Variants in RBM26 observed in about 807,000 individuals in gnomAD.
The protein encoded by RBM26 is RNA binding motif protein 26.
In RBM26, 30 loss-of-function variants were observed where a neutral mutation model predicts 123.6. The ratio of observed to expected loss-of-function variants is 0.24; its 90% CI spans 0.18 to 0.33. The LOEUF (loss-of-function observed/expected upper bound fraction) is 0.33. Among genes scored for constraint, RBM26 ranks in the 10% least tolerant of loss-of-function variants. The probability of loss-of-function intolerance (pLI) is 1.00; values close to 1 mark genes in which losing one functional copy is unlikely to be tolerated. For missense variants in RBM26, 947 were observed against 1,203.6 expected, an observed-to-expected ratio of 0.79 and a Z score of 3.15; for synonymous variants, 400 against 404.4, an observed-to-expected ratio of 0.99 and a Z score of 0.13.
At chr13:79,321,767 A>G (rs1295510878) in intron 21 of RBM26, among the ~76,000 whole-genome samples, 1 of 151,406 alleles carries the variant, frequency 6.6e-6, no homozygotes, top group Non-Finnish European at 1.5e-5. Context: ...GATGGAAACA[A>G]TCACTCCTTC....
chr13:79,319,949 CTTTTTTTTTTT>C lies in RBM26; in HGVS notation c.*661_*671del. The C allele has an allele frequency of 3.5e-5, 4 of 115,814 alleles. 1 individual carries two copies. Among genetic ancestry groups the C allele is most frequent in the Non-Finnish European group, 3.8e-5 (4 of 104,370 alleles). 7.2% of individuals were successfully genotyped at this position (115,814 alleles called of 1,614,324 possible). On this transcript the variant is annotated 3_prime_UTR_variant, in exon 22 of 22. Coordinates refer to ENST00000438737, the MANE Select transcript of RBM26 (RefSeq NM_001366735.2). ...TTTAAATCAAGGAACATTGTCTTGGCTTTTTTTTTTTTTTTTTTTTTGTCATTGCTTTTCTC... is the reference window on the plus strand; with the variant it reads ...TTTAAATCAAGGAACATTGTCTTGGCTTTTTTTTTTGTCATTGCTTTTCTC...
intron 1 of RBM26, among the ~76,000 whole-genome samples, chr13:79,404,432 G>C (rs543244072): frequency 3.9e-5 from 6 of 152,264 alleles, no homozygotes; most frequent in Admixed American, 1.3e-4. Flanking sequence ...TGCCCTTTCA[G>C]TCTCTACAAA....
rs1186840358 is a variant in RBM26, at chr13:79,372,819, A to G, written c.328-889T>C. Among the ~76,000 whole-genome samples the G allele has an allele frequency of 7.0e-4, 63 of 90,384 alleles. 3 individuals are homozygous for G. The highest frequency in any genetic ancestry group is 4.0e-3 in the African/African-American group (48 of 12,108). The allele number at this position is 90,384 out of a possible 152,430, so 59.3% of individuals were successfully genotyped here. On this transcript the variant is annotated intron_variant, in intron 3 of 21. Transcript: ENST00000438737. ...TTATAATTATATGATATATATTTATAATAAATATTTTATATAAATATATTA... is the reference window on the plus strand; with the variant it reads ...TTATAATTATATGATATATATTTATGATAAATATTTTATATAAATATATTA...
At chr13:79,390,972 T>G (rs547637469) in intron 1 of RBM26, among the ~76,000 whole-genome samples, 1 of 152,204 alleles carries the variant, frequency 6.6e-6, no homozygotes, top group Non-Finnish European at 1.5e-5. Flanking sequence ...AGTATCTATT[T>G]AAGGTTGCAT....
intron 20 of RBM26, 60 bp from the exon 21 acceptor site, chr13:79,322,522 A>C: frequency 1.9e-6 from 2 of 1,079,248 alleles, no homozygotes; most frequent in Non-Finnish European, 2.7e-6. Context: ...AAAAAAATAA[A>C]TGTCATAGTG....
intron 1 of RBM26, among the ~76,000 whole-genome samples, chr13:79,398,302 T>C (rs2140504914): frequency 6.6e-6 from 1 of 152,318 alleles, no homozygotes. Context: ...TATTTTACAT[T>C]TTGCTCATAA....
Position 79,366,079 on chromosome 13 carries a change from C to T in RBM26, c.1252G>A (p.Ala418Thr), listed in dbSNP as rs943521854. The T allele has an allele frequency of 1.2e-6, 2 of 1,613,786 alleles. No homozygotes were observed. The highest frequency in any genetic ancestry group is 8.5e-7 in the Non-Finnish European group (1 of 1,179,924). ...CCTGCAGTAAAAAGAGAGGGTGGAGCAGGAGGAGGCTGGTGATGAATGCCA... is the reference window on the plus strand; with the variant it reads ...CCTGCAGTAAAAAGAGAGGGTGGAGTAGGAGGAGGCTGGTGATGAATGCCA... Reference protein sequence around the residue: ...TTGIHHQPPPAPPSLFTADTY... With the variant: ...TTGIHHQPPPTPPSLFTADTY... Residue 418 changes from alanine (A) to threonine (T), a missense_variant, in exon 8 of 22, where the codon GCT becomes ACT. Coordinates refer to ENST00000438737, the MANE Select transcript of RBM26 (RefSeq NM_001366735.2).
At chr13:79,371,500 T>C (rs1475247693) in intron 4 of RBM26, among the ~76,000 whole-genome samples, 1 of 152,104 alleles carries the variant, frequency 6.6e-6, no homozygotes, top group Non-Finnish European at 1.5e-5. Context: ...TGCATTGTAT[T>C]CTAAGTGCTT....
Position 79,365,988 on chromosome 13 carries a change from A to C in RBM26, c.1276+67T>G, listed in dbSNP as rs1594366988. 23 of 1,473,214 alleles carry C rather than the reference A, an allele frequency of 1.6e-5. No homozygotes were observed. The East Asian group carries it at 5.2e-4, about 33-fold the overall frequency. The allele number at this position is 1,473,214 out of a possible 1,614,324, so 91.3% of individuals were successfully genotyped here. A position where few individuals can be genotyped will look rare whatever the true frequency, so the allele number is the denominator to read the frequency against. On this transcript the variant is annotated intron_variant, in intron 8 of 21. Coordinates refer to ENST00000438737, the MANE Select transcript of RBM26 (RefSeq NM_001366735.2). ...TAGTCCTCACAGAGCAATTCTCTCT[A>C]GACATTTTAAAATTCTTCATCTAAA...
rs1566362269 is a variant in RBM26 at position 79,341,235 on chromosome 13, AT to A, written c.2428-9del. 1 of 1,556,168 alleles carries A rather than the reference AT, an allele frequency of 6.4e-7. No homozygotes were observed. Among genetic ancestry groups the A allele is most frequent in the Non-Finnish European group, 8.8e-7 (1 of 1,132,182 alleles). On this transcript the variant is annotated splice_polypyrimidine_tract_variant and intron_variant, in intron 17 of 21. Transcript: ENST00000438737. ...AAGTAATTCCTTCTGCATCTAAAAA[AT>A]AGTAATTAATATTTTAGGTGACAGT...
In RBM26 at chr13:79,326,667, C is replaced by T. The variant is rs985704690; in HGVS notation, c.2821-4205G>A. 2.0e-5 allele frequency among the ~76,000 whole-genome samples: 3 copies of T among 152,080 alleles called. No homozygotes were observed. The East Asian group carries it at 5.8e-4, about 29-fold the overall frequency. On this transcript the variant is annotated intron_variant, in intron 20 of 21. Transcript: ENST00000438737. ...TAATCATTAGATACTGATAGTTTCA[C>T]AAATGAATTCTATTAAAATTTTAAA...
chr13:79,337,168 A>G lies in RBM26; in HGVS notation c.2667T>C (p.Arg889=), dbSNP rs2070564550. 6.2e-7 allele frequency: 1 copy of G among 1,613,974 alleles called. No individual in the cohort carries two copies. The highest frequency in any genetic ancestry group is 1.3e-5 in the African/African-American group (1 of 74,920). Residue 889 remains arginine (R), a synonymous_variant, in exon 19 of 22, where the codon CGT becomes CGC. Coordinates refer to ENST00000438737, the MANE Select transcript of RBM26 (RefSeq NM_001366735.2). ...ATGCAGAAATCTCCAATGCCCTGGG[A>G]CGGTGATCCACCACAGCATGACCAG... ...GVPGHAVVDH[R]PRALEISAFT...
chr13:79,401,158 C>G (rs977366826), intron 1 of RBM26, among the ~76,000 whole-genome samples: 2 of 152,124 alleles, frequency 1.3e-5, no homozygotes, highest in South Asian at 4.1e-4. Context: ...ATAACTCTTC[C>G]TATCAGACAC....
At chr13:79,335,682 C>T (rs961145213) in intron 19 of RBM26, among the ~76,000 whole-genome samples, 1 of 152,082 alleles carries the variant, frequency 6.6e-6, no homozygotes, top group Non-Finnish European at 1.5e-5. Flanking sequence ...TGTCCAAATG[C>T]ATGTCAGAAT....
At position 79,342,750 on chromosome 13, in the gene RBM26, T is replaced by C; in HGVS notation, c.2341A>G (p.Thr781Ala). 2 of 1,611,452 alleles carry C rather than the reference T, an allele frequency of 1.2e-6. No homozygotes were observed. Among genetic ancestry groups the C allele is most frequent in the Non-Finnish European group, 1.7e-6 (2 of 1,177,984 alleles). The change falls in exon 17 of 22, where the codon ACA becomes GCA. Residue 781 changes from threonine to alanine, a missense_variant. Physicochemically the swap from Thr to Ala is moderately conservative, Grantham distance 58. Coordinates refer to ENST00000438737, the MANE Select transcript of RBM26 (RefSeq NM_001366735.2). ...TCTTTCAACTTGGTAATATTTTTTGTCAAAACCTCTAAAGTTTTCATTATT... is the reference window on the plus strand; with the variant it reads ...TCTTTCAACTTGGTAATATTTTTTGCCAAAACCTCTAAAGTTTTCATTATT... The part of the protein sequence containing the change: ...AEIMKTLEVL[T>A]KNITKLKDEV...
intron 3 of RBM26, among the ~76,000 whole-genome samples, chr13:79,372,815 T>TGA (rs1210650864): frequency 8.8e-6 from 1 of 113,040 alleles, no homozygotes; most frequent in African/African-American, 4.8e-5. Flanking sequence ...TGATATATAT[T>TGA]TATAATAAAT....
At chr13:79,317,489 G>A (rs542254222), downstream of RBM26, among the ~76,000 whole-genome samples, 1 of 151,726 alleles carries the variant, frequency 6.6e-6, no homozygotes, top group South Asian at 2.1e-4. Context: ...GTTAGTTGCA[G>A]AATTGGGACC....
intron 18 of RBM26, among the ~76,000 whole-genome samples, chr13:79,337,650 A>G (rs951725871): frequency 6.6e-6 from 1 of 152,204 alleles, no homozygotes; most frequent in African/African-American, 2.4e-5. Context: ...TAATAAACAG[A>G]TAATACCTAC....
chr13:79,353,245 A>G, intron 13 of RBM26, 21 bp from the exon 14 acceptor site: 1 of 1,368,432 alleles, frequency 7.3e-7, no homozygotes, highest in Non-Finnish European at 1.0e-6. Flanking sequence ...TAAAATGGAC[A>G]TATTCAGTGT....
Sources: gnomAD v4.1 joint callset for allele counts (sites outside exome capture counted in the v4.1 genomes callset) on GRCh38, gnomAD v4.1.1 for gene constraint, MANE v1.5 for transcripts, NCBI Gene and HGNC (gene_info 2026-07-23, HGNC 2026-07-21) for gene names.